The following CSMD1 variants were observed in gnomAD, a reference collection of about 807,000 sequenced individuals.
The protein encoded by CSMD1 is CUB and Sushi multiple domains 1.
In CSMD1, 213 loss-of-function variants were observed where a neutral mutation model predicts 417.5. The ratio of observed to expected loss-of-function variants is 0.51; its 90% CI spans 0.46 to 0.57. The LOEUF (loss-of-function observed/expected upper bound fraction) is 0.57, where lower values mean the gene tolerates loss of function less well. Among genes scored for constraint, CSMD1 ranks in the 20% least tolerant of loss-of-function variants. The pLI is 0.00. For synonymous variants in CSMD1, 2,862 were observed against 1,736.8 expected (o/e 1.65, Z -16.11); for missense variants, 6,923 against 4,529.7 (o/e 1.53, Z -15.17).
chr8:3,328,718 G>A (rs1203621919), intron 23 of CSMD1, among the ~76,000 whole-genome samples: 4 of 152,116 alleles, frequency 2.6e-5, no homozygotes, highest in African/African-American at 7.2e-5. Context: ...ATGTGAAACC[G>A]ACAAGACAGT....
At chr8:3,327,639 T>G (rs1051592332) in intron 23 of CSMD1, among the ~76,000 whole-genome samples, 1 of 152,178 alleles carries the variant, frequency 6.6e-6, no homozygotes, top group Non-Finnish European at 1.5e-5. Context: ...AATAGTAAAG[T>G]TTGAGGTAGA....
At chr8:4,834,739 G>A (rs1027672339) in intron 1 of CSMD1, among the ~76,000 whole-genome samples, 6 of 151,654 alleles carry the variant, frequency 4.0e-5, no homozygotes, top group Admixed American at 3.3e-4. Context: ...GGCGGATCAC[G>A]ACATCAGGAG....
At chr8:3,273,348 G>C (rs1802014015) in intron 26 of CSMD1, among the ~76,000 whole-genome samples, 1 of 151,990 alleles carries the variant, frequency 6.6e-6, no homozygotes, top group Non-Finnish European at 1.5e-5. Flanking sequence ...ATTTTATTGA[G>C]GATTTTTACA....
intron 10 of CSMD1, among the ~76,000 whole-genome samples, chr8:3,494,101 T>C (rs1390778841): frequency 3.9e-5 from 6 of 152,198 alleles, no homozygotes; most frequent in Non-Finnish European, 7.3e-5. Flanking sequence ...TTTTACCATA[T>C]CCAGAATGCT....
rs1464543109 is a variant in CSMD1, at chr8:4,858,419, A to C, written c.85+135913T>G. Among the ~76,000 whole-genome samples, 5 of 150,110 alleles carry C rather than the reference A, an allele frequency of 3.3e-5. No homozygotes were observed. The East Asian group carries it at 7.8e-4, about 23-fold the overall frequency. On this transcript the variant is annotated intron_variant, in intron 1 of 69. Transcript: ENST00000635120. ...AGTGTTGGAAGTTCTGGCCAGGGCA[A>C]TTAGGCAGGAAAAGGAAATAAAGGG...
At chr8:3,570,419 A>G (rs1799895687) in intron 10 of CSMD1, among the ~76,000 whole-genome samples, 1 of 145,774 alleles carries the variant, frequency 6.9e-6, no homozygotes, top group South Asian at 2.2e-4. Context: ...GAAGGAACTC[A>G]GCAGACAAAT....
At chr8:3,707,852 G>A (rs1251530899) in intron 7 of CSMD1, among the ~76,000 whole-genome samples, 4 of 152,146 alleles carry the variant, frequency 2.6e-5, no homozygotes, top group African/African-American at 9.7e-5. Flanking sequence ...AAAATGGCAG[G>A]TGTGGGAGAC....
At chr8:4,104,207 G>C (rs1277922951) in intron 3 of CSMD1, among the ~76,000 whole-genome samples, 1 of 152,218 alleles carries the variant, frequency 6.6e-6, no homozygotes, top group Non-Finnish European at 1.5e-5. Context: ...CATAGTGTGT[G>C]TGAATGTACG....
chr8:4,320,342 C>T (rs1007155495), intron 3 of CSMD1, among the ~76,000 whole-genome samples: 13 of 152,108 alleles, frequency 8.5e-5, no homozygotes, highest in African/African-American at 2.9e-4. Flanking sequence ...TTCCACAAGT[C>T]ATCACACAAA....
chr8:3,773,326 C>A (rs754434428), intron 5 of CSMD1, among the ~76,000 whole-genome samples: 1 of 152,136 alleles, frequency 6.6e-6, no homozygotes, highest in African/African-American at 2.4e-5. Context: ...CCCTGTCACC[C>A]AGGCTGGAGT....
chr8:3,544,276 C>T (rs549626034), intron 10 of CSMD1, among the ~76,000 whole-genome samples: 2 of 152,264 alleles, frequency 1.3e-5, no homozygotes, highest in East Asian at 1.9e-4. Flanking sequence ...AAAGAGCGTT[C>T]TTAATTTTGC....
intron 3 of CSMD1, among the ~76,000 whole-genome samples, chr8:4,367,653 G>A (rs932411028): frequency 1.3e-5 from 2 of 152,044 alleles, no homozygotes; most frequent in Admixed American, 6.6e-5. Context: ...GCTTTGGGTG[G>A]TATGATGATT....
intron 5 of CSMD1, among the ~76,000 whole-genome samples, chr8:3,933,678 G>C (rs1329777561): frequency 6.6e-6 from 1 of 152,126 alleles, no homozygotes; most frequent in African/African-American, 2.4e-5. Flanking sequence ...TTTACAAAAT[G>C]TTTCGCATGC....
intron 37 of CSMD1, among the ~76,000 whole-genome samples, chr8:3,163,804 C>T (rs1476680027): frequency 6.6e-6 from 1 of 152,100 alleles, no homozygotes; most frequent in Non-Finnish European, 1.5e-5. Context: ...TGTCACTGTG[C>T]CAGACGCATT....
At chr8:4,389,479 T>C (rs1036573435) in intron 3 of CSMD1, among the ~76,000 whole-genome samples, 8 of 152,112 alleles carry the variant, frequency 5.3e-5, no homozygotes, top group Non-Finnish European at 8.8e-5. Flanking sequence ...TGCTTTTTTT[T>C]CTCAGAAATG....
Position 4,031,998 on chromosome 8 carries a change from G to C in CSMD1, c.517C>G (p.Pro173Ala). 1 of 1,613,944 alleles carries C rather than the reference G, an allele frequency of 6.2e-7. No homozygotes were observed. Among genetic ancestry groups the C allele is most frequent in the Non-Finnish European group, 8.5e-7 (1 of 1,179,884 alleles). ...IGDKIRYSCLPGYILEGHAIL... is the reference protein window; with the variant it reads ...IGDKIRYSCLAGYILEGHAIL... ...GCGTGGCCTTCCAAGATGTAGCCAG[G>C]GAGGCAGCTGTACCGGATTTTGTCT... The change falls in exon 4 of 70, where the codon CCT becomes GCT. Residue 173 changes from proline (P) to alanine (A), a missense_variant. Physicochemically the swap from Pro to Ala is conservative, Grantham distance 27. Transcript: ENST00000635120.
chr8:4,927,522 G>A (rs116959561), intron 1 of CSMD1, among the ~76,000 whole-genome samples: 205 of 152,068 alleles, frequency 1.3e-3, no homozygotes, highest in African/African-American at 4.4e-3. Flanking sequence ...CTTTTTTTCC[G>A]AGAGCAAGTG....
At position 4,175,156 on chromosome 8, in the gene CSMD1, G is replaced by C. The variant is rs191732392; in HGVS notation, c.416-143057C>G. On this transcript the variant is annotated intron_variant, in intron 3 of 69. Coordinates refer to ENST00000635120, the MANE Select transcript of CSMD1 (RefSeq NM_033225.6). Reference sequence around the variant, plus strand: ...GTGTAAGACCTCGACCATCAAGAAAGATCATTGTTGAAAAGTGATTTTTAA... The same window carrying C: ...GTGTAAGACCTCGACCATCAAGAAACATCATTGTTGAAAAGTGATTTTTAA... Among the ~76,000 whole-genome samples, 202 of 152,082 alleles carry C rather than the reference G, an allele frequency of 1.3e-3. 5 individuals are homozygous for C. Among genetic ancestry groups the C allele is most frequent in the African/African-American group, 4.7e-3 (193 of 41,468 alleles).
rs1012477981 is a variant in CSMD1, at chr8:3,622,514, G to C, written c.1010-5717C>G. Among the ~76,000 whole-genome samples the C allele has an allele frequency of 3.9e-5, 6 of 152,208 alleles. No individual in the cohort carries two copies. In the South Asian group the frequency reaches 8.3e-4, roughly 21 times the overall value. ...GAAATTGGAGCTACCTGCCCAAGTT[G>C]GGCAAAAACACTCTGGATCTTTTTA... On this transcript the variant is annotated intron_variant, in intron 7 of 69. Transcript: ENST00000635120.
Sources: gnomAD v4.1 joint callset for allele counts (sites outside exome capture counted in the v4.1 genomes callset) on GRCh38, gnomAD v4.1.1 for gene constraint, MANE v1.5 for transcripts, NCBI Gene and HGNC (gene_info 2026-07-23, HGNC 2026-07-21) for gene names.